Variants in GRIA3 observed in about 807,000 individuals in gnomAD.
GRIA3 encodes the protein glutamate ionotropic receptor AMPA type subunit 3, also known as glutamate receptor 3.
GRIA3 carries 3 observed loss-of-function variants against 63.0 expected under a neutral mutation model. The ratio of observed to expected loss-of-function variants is 0.05; its 90% CI spans 0.02 to 0.12. The LOEUF is 0.12. Among genes scored for constraint, GRIA3 ranks in the 10% least tolerant of loss-of-function variants. The probability of loss-of-function intolerance (pLI) is 1.00; values close to 1 mark genes in which losing one functional copy is unlikely to be tolerated. For missense variants in GRIA3, 347 were observed against 700.9 expected (o/e 0.50, Z 5.70); for synonymous variants, 274 against 257.9 (o/e 1.06, Z -0.60).
At chrX:123,205,212 C>T (rs895013888) in intron 2 of GRIA3, among the ~76,000 whole-genome samples, 2 of 111,981 alleles carry the variant, frequency 1.8e-5, no homozygotes, top group African/African-American at 6.5e-5. Flanking sequence ...AGACTCAAAC[C>T]TTAGTCTAAT....
chrX:123,468,321 T>C (rs748920819), intron 13 of GRIA3, among the ~76,000 whole-genome samples: 2 of 110,638 alleles, frequency 1.8e-5, no homozygotes, highest in South Asian at 7.7e-4. Context: ...GAGGTAGAAA[T>C]AGCAGTAAAA....
intron 13 of GRIA3, among the ~76,000 whole-genome samples, chrX:123,468,357 T>G (rs999564120): frequency 1.8e-5 from 2 of 111,509 alleles, no homozygotes; most frequent in Non-Finnish European, 3.8e-5. Context: ...GCCCTCTAAT[T>G]AATAATTTGT....
chrX:123,457,326 G>A (rs1247312882), intron 12 of GRIA3, among the ~76,000 whole-genome samples: 2 of 111,470 alleles, frequency 1.8e-5, no homozygotes, highest in Non-Finnish European at 3.8e-5. Flanking sequence ...TACCAGAAAA[G>A]GGGTACAAGT....
At chrX:123,443,943 C>G (rs1465610562) in intron 12 of GRIA3, among the ~76,000 whole-genome samples, 1 of 110,899 alleles carries the variant, frequency 9.0e-6, no homozygotes, top group African/African-American at 3.3e-5. Flanking sequence ...GTGAGGACTT[C>G]TATGTTGGTG....
intron 2 of GRIA3, among the ~76,000 whole-genome samples, chrX:123,205,315 A>G (rs1033253009): frequency 2.7e-5 from 3 of 112,113 alleles, no homozygotes; most frequent in African/African-American, 6.5e-5. Context: ...TATTTGAAGC[A>G]CATGTCTTTC....
At chrX:123,187,379 C>CTT (rs1279992586) in intron 2 of GRIA3, among the ~76,000 whole-genome samples, 1 of 112,236 alleles carries the variant, frequency 8.9e-6, no homozygotes, top group Non-Finnish European at 1.9e-5. Context: ...CCATATTTGA[C>CTT]TTTCTTTGGC....
chrX:123,233,957 A>C (rs547710651), intron 2 of GRIA3, among the ~76,000 whole-genome samples: 3 of 111,877 alleles, frequency 2.7e-5, no homozygotes, highest in Middle Eastern at 4.6e-3. Flanking sequence ...TCTGAAAGGA[A>C]ATGCTACAGT....
At chrX:123,446,167 G>A (rs2045702092) in intron 12 of GRIA3, among the ~76,000 whole-genome samples, 1 of 112,108 alleles carries the variant, frequency 8.9e-6, no homozygotes, top group South Asian at 3.7e-4. Context: ...TATTCAGCAT[G>A]TGCCATGTTG....
intron 3 of GRIA3, among the ~76,000 whole-genome samples, chrX:123,323,528 G>A (rs10521717): frequency 0.037 from 4,173 of 111,747 alleles, 187 homozygotes; most frequent in African/African-American, 0.13. Flanking sequence ...CTCATTTCTG[G>A]AGAAGTTAAT....
At chrX:123,478,684 A>G (rs765579415) in intron 13 of GRIA3, among the ~76,000 whole-genome samples, 4 of 112,620 alleles carry the variant, frequency 3.6e-5, no homozygotes, top group African/African-American at 1.3e-4. Context: ...AAGTCTTATT[A>G]GTGACTGGAT....
At chrX:123,206,455 G>T (rs1464171031) in intron 2 of GRIA3, among the ~76,000 whole-genome samples, 1 of 112,059 alleles carries the variant, frequency 8.9e-6, no homozygotes, top group Non-Finnish European at 1.9e-5. Flanking sequence ...TGCCGTTCTT[G>T]TCCCCTCACT....
chrX:123,413,532 C>CAAAA (rs570201736), intron 10 of GRIA3, among the ~76,000 whole-genome samples: 2 of 15,881 alleles, frequency 1.3e-4, no homozygotes, highest in African/African-American at 3.1e-4. Context: ...CTCTCTCTGC[C>CAAAA]AAAAAAAAAA....
intron 5 of GRIA3, among the ~76,000 whole-genome samples, chrX:123,380,131 C>T (rs969376226): frequency 4.5e-5 from 5 of 111,048 alleles, no homozygotes; most frequent in African/African-American, 1.3e-4. Flanking sequence ...CATAGCAGCA[C>T]GATTTATAAT....
chrX:123,253,228 T>C (rs2044400744), intron 2 of GRIA3, 75 bp from the exon 3 acceptor site: 2 of 1,136,062 alleles, frequency 1.8e-6, no homozygotes, highest in East Asian at 3.0e-5. Context: ...TAATTGTACA[T>C]TGTATTTCTA....
At chrX:123,211,717 G>C (rs1928047383) in intron 2 of GRIA3, among the ~76,000 whole-genome samples, 1 of 111,819 alleles carries the variant, frequency 8.9e-6, no homozygotes, top group South Asian at 3.7e-4. Flanking sequence ...AGTTGTAAGA[G>C]TCAGTGGCTG....
chrX:123,478,569 A>C (rs1008296787), intron 13 of GRIA3, among the ~76,000 whole-genome samples: 10 of 112,357 alleles, frequency 8.9e-5, no homozygotes, highest in Non-Finnish European at 1.9e-4. Context: ...TTCTCAGACT[A>C]TCTGAAGATA....
chrX:123,387,449 G>T, intron 5 of GRIA3, among the ~76,000 whole-genome samples: 1 of 111,012 alleles, frequency 9.0e-6, no homozygotes, highest in Middle Eastern at 4.6e-3. Context: ...GGTTGCTCTG[G>T]GTACGACTTC....
intron 3 of GRIA3, among the ~76,000 whole-genome samples, chrX:123,324,839 T>G (rs77757444): frequency 0.044 from 4,849 of 111,231 alleles, 106 homozygotes; most frequent in Non-Finnish European, 0.07. Flanking sequence ...TATGGTACAA[T>G]GAAGAAAATT....
chrX:123,286,535 A>G (rs997759203), intron 3 of GRIA3, among the ~76,000 whole-genome samples: 3 of 112,066 alleles, frequency 2.7e-5, no homozygotes, highest in African/African-American at 9.7e-5. Context: ...AATAAAGAAT[A>G]AAAGAGAGAA....
Sources: gnomAD v4.1 joint callset for allele counts (sites outside exome capture counted in the v4.1 genomes callset) on GRCh38, gnomAD v4.1.1 for gene constraint, MANE v1.5 for transcripts, NCBI Gene and HGNC (gene_info 2026-07-23, HGNC 2026-07-21) for gene names.